ALG9: variants seen among roughly 807,000 people sequenced by gnomAD.
The protein encoded by ALG9 is alpha-1,2-mannosyltransferase ALG9.
Under a neutral mutation model 81.8 loss-of-function variants are expected in ALG9, and 55 were observed. That is an observed-to-expected ratio of 0.67 (90% CI 0.54 to 0.84). The LOEUF (loss-of-function observed/expected upper bound fraction) is 0.84, where lower values mean the gene tolerates loss of function less well. Among genes scored for constraint, ALG9 ranks in the 40% least tolerant of loss-of-function variants. ALG9 has a pLI of 0.00. For missense variants in ALG9, 629 were observed against 745.0 expected, an observed-to-expected ratio of 0.84 and a Z score of 1.81; for synonymous variants, 278 against 274.3, an observed-to-expected ratio of 1.01 and a Z score of -0.13.
intron 14 of ALG9, among the ~76,000 whole-genome samples, chr11:111,804,833 A>C (rs1202290409): frequency 6.6e-6 from 1 of 152,254 alleles, no homozygotes; most frequent in Non-Finnish European, 1.5e-5. Flanking sequence ...GTGGAGCAAC[A>C]GGAACTCATT....
At chr11:111,839,231 C>T (rs1209110843) in intron 10 of ALG9, among the ~76,000 whole-genome samples, 1 of 152,058 alleles carries the variant, frequency 6.6e-6, no homozygotes, top group Non-Finnish European at 1.5e-5. Flanking sequence ...ATATCCAACT[C>T]AGAACATTCT....
intron 13 of ALG9, among the ~76,000 whole-genome samples, chr11:111,813,428 C>A (rs1484392567): frequency 2.6e-5 from 4 of 152,034 alleles, no homozygotes; most frequent in African/African-American, 9.7e-5. Flanking sequence ...ATAGTGAGAT[C>A]CCATCTCTAC....
chr11:111,778,940 GAGTAGCTGGGATT>G (rs1945778191), downstream of ALG9, among the ~76,000 whole-genome samples: 1 of 151,594 alleles, frequency 6.6e-6, no homozygotes, highest in Admixed American at 6.6e-5. Flanking sequence ...TCAGCCTACT[GAGTAGCTGGGATT>G]ACAGGCATGC....
chr11:111,865,073 G>A (rs367879480), intron 4 of ALG9, 108 bp downstream of exon 4: 97 of 910,606 alleles, frequency 1.1e-4, no homozygotes, highest in Non-Finnish European at 6.4e-5. Context: ...CACCGCACCC[G>A]GTCAAGAGTT....
chr11:111,870,855 C>A (rs1964095301), intron 1 of ALG9: 4 of 1,001,904 alleles, frequency 4.0e-6, no homozygotes, highest in East Asian at 2.2e-4. Flanking sequence ...ATTCATTCCC[C>A]CTTATGTTCA....
chr11:111,819,535 T>C (rs1592041270), intron 13 of ALG9, among the ~76,000 whole-genome samples: 2 of 152,314 alleles, frequency 1.3e-5, no homozygotes, highest in African/African-American at 2.4e-5. Flanking sequence ...CCTAGGCAAG[T>C]GGGAGGATTA....
chr11:111,819,340 G>GCT (rs1951967535), intron 13 of ALG9, among the ~76,000 whole-genome samples: 2 of 152,334 alleles, frequency 1.3e-5, no homozygotes, highest in African/African-American at 4.8e-5. Context: ...TAAAAATAGA[G>GCT]ATCTCTGGCA....
rs181647853 is a variant in ALG9 at position 111,804,368 on chromosome 11, A to C, written c.1733+5275T>G. On this transcript the variant is annotated intron_variant, in intron 14 of 14. Coordinates refer to ENST00000616540, the MANE Select transcript of ALG9 (RefSeq NM_024740.2). ...AGAAGACAAGCCACAGACTGGGAGA[A>C]AATACTTGCAAAAGACATATCAAAT... 3.3e-3 allele frequency among the ~76,000 whole-genome samples: 510 copies of C among 152,294 alleles called. 4 individuals carry two copies. Among genetic ancestry groups the C allele is most frequent in the African/African-American group, 0.011 (463 of 41,560 alleles).
Position 111,862,586 on chromosome 11 carries a change from T to C in ALG9, c.477-1951A>G, listed in dbSNP as rs1025173551. ...TATATTACCTTTTTTTTTTGGTCTGTCTGTACTGCATTTTGAGTAATTTAT... is the reference window on the plus strand; with the variant it reads ...TATATTACCTTTTTTTTTTGGTCTGCCTGTACTGCATTTTGAGTAATTTAT... On this transcript the variant is annotated intron_variant, in intron 4 of 14. Transcript: ENST00000616540. 2.6e-5 allele frequency among the ~76,000 whole-genome samples: 4 copies of C among 151,868 alleles called. No homozygotes were observed. The South Asian group carries it at 8.3e-4, about 31-fold the overall frequency.
At chr11:111,814,486 A>G (rs1195108390) in intron 13 of ALG9, 5 of 152,132 alleles carry the variant, frequency 3.3e-5, no homozygotes, top group Non-Finnish European at 7.4e-5. Flanking sequence ...CTCTATTATT[A>G]TTACTACTAA....
At chr11:111,863,055 C>T (rs1960893101) in intron 4 of ALG9, among the ~76,000 whole-genome samples, 1 of 152,102 alleles carries the variant, frequency 6.6e-6, no homozygotes, top group Non-Finnish European at 1.5e-5. Context: ...ATGCCACGGG[C>T]ACTACCAACC....
Position 111,870,382 on chromosome 11 carries a change from C to CCCAA in ALG9, c.132-13_132-12insTTGG. 1 of 969,600 alleles carries CCCAA rather than the reference C, an allele frequency of 1.0e-6. No homozygotes were observed. Among genetic ancestry groups the CCCAA allele is most frequent in the Non-Finnish European group, 1.2e-6 (1 of 800,854 alleles). The allele number at this position is 969,600 out of a possible 1,614,324, so 60.1% of individuals were successfully genotyped here. ...TGTTCCCAGATAACCTGTTCAAAAG[C>CCCAA]AAAAAAAAAAAAAAAAAAAAAAGCA... On this transcript the variant is annotated splice_polypyrimidine_tract_variant and intron_variant, in intron 1 of 14. Coordinates refer to ENST00000616540, the MANE Select transcript of ALG9 (RefSeq NM_024740.2).
the ALG9 span, among the ~76,000 whole-genome samples, chr11:111,773,925 T>C: frequency 6.6e-6 from 1 of 151,332 alleles, no homozygotes; most frequent in Non-Finnish European, 1.5e-5. Context: ...TGGCTAATTT[T>C]TGTATTTTTT....
chr11:111,821,667 G>A (rs1341727029), intron 13 of ALG9, among the ~76,000 whole-genome samples: 7 of 151,242 alleles, frequency 4.6e-5, no homozygotes, highest in South Asian at 2.1e-4. Flanking sequence ...ATAGAGTCTC[G>A]CTCTGTTGCC....
intron 11 of ALG9, 46 bp from the exon 12 acceptor site, chr11:111,837,661 G>A: frequency 3.1e-6 from 5 of 1,597,910 alleles, no homozygotes; most frequent in Non-Finnish European, 4.3e-6. Flanking sequence ...AGTAAGATGA[G>A]ATTCTCACTT....
At chr11:111,853,545 A>T (rs1351142854) in intron 7 of ALG9, 60 bp from the exon 8 acceptor site, 14 of 1,574,924 alleles carry the variant, frequency 8.9e-6, no homozygotes, top group Non-Finnish European at 1.2e-5. Flanking sequence ...TAATAGGATA[A>T]ACCTGAGAAT....
At chr11:111,772,596 TG>T in the ALG9 span, among the ~76,000 whole-genome samples, 3 of 152,164 alleles carry the variant, frequency 2.0e-5, no homozygotes, top group Non-Finnish European at 4.4e-5. Context: ...ATTTATACGG[TG>T]GGGCTGTTGA....
intron 14 of ALG9, among the ~76,000 whole-genome samples, chr11:111,796,326 AGACCTCT>A (rs1555075309): frequency 6.6e-6 from 1 of 152,232 alleles, no homozygotes; most frequent in African/African-American, 2.4e-5. Context: ...CTTGGAACAA[AGACCTCT>A]GATGATGCTG....
intron 6 of ALG9, among the ~76,000 whole-genome samples, chr11:111,856,276 CAAAAAAAA>C (rs1175162630): frequency 7.8e-5 from 3 of 38,588 alleles, no homozygotes; most frequent in Non-Finnish European, 1.3e-4. Context: ...GACTCCATCT[CAAAAAAAA>C]AAAAAAAAAA....
Sources: allele counts gnomAD v4.1 joint callset (sites outside exome capture counted in the v4.1 genomes callset), GRCh38; gene constraint gnomAD v4.1.1; transcripts MANE v1.5; gene names NCBI Gene and HGNC (gene_info 2026-07-23, HGNC 2026-07-21).